The following KLHL29 variants were observed in gnomAD, a reference collection of about 807,000 sequenced individuals.
The protein encoded by KLHL29 is kelch-like protein 29.
KLHL29 carries 21 observed loss-of-function variants against 80.4 expected under a neutral mutation model. That is an observed-to-expected ratio of 0.26 (90% CI 0.19 to 0.38). The LOEUF is 0.38. Among genes scored for constraint, KLHL29 ranks in the 10% least tolerant of loss-of-function variants. KLHL29 has a pLI of 1.00. For synonymous variants in KLHL29, 511 were observed against 526.8 expected, an observed-to-expected ratio of 0.97 and a Z score of 0.41; for missense variants, 867 against 1,223.9, an observed-to-expected ratio of 0.71 and a Z score of 4.35.
At chr2:23,654,695 T>TGGGGGGGGGGGGGGGGGGGGGGG (rs769363801) in intron 5 of KLHL29, among the ~76,000 whole-genome samples, 1 of 34,216 alleles carries the variant, frequency 2.9e-5, no homozygotes. Context: ...GGAACAGAGG[T>TGGGGGGGGGGGGGGGGGGGGGGG]TGGGGGGGGG....
intron 3 of KLHL29, among the ~76,000 whole-genome samples, chr2:23,577,112 G>A (rs1667861292): frequency 6.6e-6 from 1 of 152,206 alleles, no homozygotes; most frequent in Non-Finnish European, 1.5e-5. Context: ...CCACTGCAGT[G>A]CGTCTTCTTT....
At chr2:23,609,551 G>T (rs1227914808) in intron 3 of KLHL29, among the ~76,000 whole-genome samples, 1 of 152,022 alleles carries the variant, frequency 6.6e-6, no homozygotes, top group Admixed American at 6.6e-5. Flanking sequence ...TGGAGCGAGG[G>T]AATAGGAATC....
chr2:23,445,057 A>G (rs1315365618), intron 1 of KLHL29, among the ~76,000 whole-genome samples: 1 of 152,226 alleles, frequency 6.6e-6, no homozygotes, highest in Non-Finnish European at 1.5e-5. Context: ...TCACAGTGTT[A>G]TAAGACAATG....
chr2:23,439,222 T>G (rs1249480684), intron 1 of KLHL29, among the ~76,000 whole-genome samples: 2 of 152,074 alleles, frequency 1.3e-5, no homozygotes, highest in East Asian at 1.9e-4. Flanking sequence ...TTAGTCTTGC[T>G]AGTGGTCTAT....
chr2:23,592,345 A>G (rs2103516946), intron 3 of KLHL29, among the ~76,000 whole-genome samples: 1 of 152,282 alleles, frequency 6.6e-6, no homozygotes, highest in African/African-American at 2.4e-5. Context: ...GGCCACTCTG[A>G]CCCTAAGACC....
chr2:23,550,088 C>T (rs1667083709), intron 2 of KLHL29, among the ~76,000 whole-genome samples: 1 of 152,132 alleles, frequency 6.6e-6, no homozygotes, highest in African/African-American at 2.4e-5. Context: ...TGGCTGTGCC[C>T]TCCTGAACAG....
At chr2:23,586,080 A>T (rs1323684071) in intron 3 of KLHL29, among the ~76,000 whole-genome samples, 1 of 152,106 alleles carries the variant, frequency 6.6e-6, no homozygotes, top group East Asian at 1.9e-4. Context: ...ATCTAGGGAC[A>T]CCTCTCAGCC....
In KLHL29 at chr2:23,404,719, G is replaced by A. The variant is rs545984695; in HGVS notation, c.-154+18939G>A. 2.6e-5 allele frequency among the ~76,000 whole-genome samples: 4 copies of A among 152,372 alleles called. No individual in the cohort carries two copies. In the East Asian group the frequency reaches 5.8e-4, roughly 22 times the overall value. ...ATGCTTCCACTTAATACGTCCTGCC[G>A]AGCCTGTAAGCCAACACTTCCGGCC... On this transcript the variant is annotated intron_variant, in intron 1 of 13. Coordinates refer to ENST00000486442, the MANE Select transcript of KLHL29 (RefSeq NM_052920.2).
At chr2:23,643,581 C>G (rs982095464) in intron 5 of KLHL29, 1 of 157,504 alleles carries the variant, frequency 6.3e-6, no homozygotes, top group Admixed American at 5.9e-5. Context: ...GTTGGAGCCC[C>G]CGGTCTTAGG....
At chr2:23,513,206 A>G (rs6722403) in intron 2 of KLHL29, among the ~76,000 whole-genome samples, 32,563 of 152,228 alleles carry the variant, frequency 0.21, 4,215 homozygotes, top group East Asian at 0.57. Flanking sequence ...GGTCAGAGAG[A>G]CAGAACTTGC....
intron 1 of KLHL29, among the ~76,000 whole-genome samples, chr2:23,422,737 GTGTGTGTC>G (rs950714695): frequency 4.6e-5 from 7 of 151,414 alleles, no homozygotes; most frequent in South Asian, 2.1e-4. Flanking sequence ...GGCAGTGCCC[GTGTGTGTC>G]TGTGTGTCTG....
chr2:23,624,203 AC>A (rs1484327752), intron 3 of KLHL29, among the ~76,000 whole-genome samples: 1 of 151,950 alleles, frequency 6.6e-6, no homozygotes, highest in Admixed American at 6.6e-5. Context: ...GGCAGTTGTG[AC>A]CCAAAATATT....
chr2:23,411,425 G>GTGTGTGTGTGTGT (rs59717553), intron 1 of KLHL29, among the ~76,000 whole-genome samples: 4 of 146,426 alleles, frequency 2.7e-5, no homozygotes, highest in African/African-American at 1.0e-4. Flanking sequence ...GTGTGTGTGT[G>GTGTGTGTGTGTGT]GTCAAGGTAG....
chr2:23,631,857 C>G (rs1669476733), intron 3 of KLHL29, among the ~76,000 whole-genome samples: 1 of 152,154 alleles, frequency 6.6e-6, no homozygotes, highest in Admixed American at 6.5e-5. Context: ...GCCACATAAG[C>G]AAGACCCAAA....
chr2:23,486,025 A>G (rs1372672271), intron 2 of KLHL29, among the ~76,000 whole-genome samples: 1 of 151,904 alleles, frequency 6.6e-6, no homozygotes, highest in Non-Finnish European at 1.5e-5. Context: ...CCCACCTCCC[A>G]CCCTCACCTG....
chr2:23,646,047 A>G (rs1293075249), intron 5 of KLHL29, among the ~76,000 whole-genome samples: 7 of 150,796 alleles, frequency 4.6e-5, no homozygotes, highest in Non-Finnish European at 1.0e-4. Flanking sequence ...AAGCTGTAGG[A>G]TTTTTTTTTT....
intron 11 of KLHL29, among the ~76,000 whole-genome samples, chr2:23,698,881 G>A (rs1376496346): frequency 6.6e-6 from 1 of 152,176 alleles, no homozygotes; most frequent in Non-Finnish European, 1.5e-5. Flanking sequence ...CATTTGGTGC[G>A]ATGTGCCATC....
intron 2 of KLHL29, chr2:23,524,133 A>G (rs1039916216): frequency 1.6e-5 from 7 of 427,098 alleles, no homozygotes; most frequent in African/African-American, 6.2e-5. Flanking sequence ...AAGTGTTCCC[A>G]TTTCTCGGAA....
chr2:23,614,997 C>G (rs1332926317), intron 3 of KLHL29, among the ~76,000 whole-genome samples: 2 of 152,144 alleles, frequency 1.3e-5, no homozygotes, highest in Non-Finnish European at 1.5e-5. Context: ...CTCCAAAGCC[C>G]GTTCCAGCCA....
Sources: gnomAD v4.1 joint callset for allele counts (sites outside exome capture counted in the v4.1 genomes callset) on GRCh38, gnomAD v4.1.1 for gene constraint, MANE v1.5 for transcripts, NCBI Gene and HGNC (gene_info 2026-07-23, HGNC 2026-07-21) for gene names.